The following ASH1L variants were observed in gnomAD, a reference collection of about 807,000 sequenced individuals.
The protein encoded by ASH1L is ASH1 like histone lysine methyltransferase.
Under a neutral mutation model 269.0 loss-of-function variants are expected in ASH1L, and 23 were observed. The ratio of observed to expected loss-of-function variants is 0.09; its 90% CI spans 0.06 to 0.12. ASH1L has a LOEUF of 0.12. Among genes scored for constraint, ASH1L ranks in the 10% least tolerant of loss-of-function variants. The pLI is 1.00. For synonymous variants in ASH1L, 1,187 were observed against 1,253.5 expected (o/e 0.95, Z 1.12); for missense variants, 2,912 against 3,567.8 (o/e 0.82, Z 4.68).
Position 155,343,078 on chromosome 1 carries a change from C to CT in ASH1L, c.8293+235dup. 2.4e-6 allele frequency: 1 copy of CT among 425,338 alleles called. No individual in the cohort carries two copies. Among genetic ancestry groups the CT allele is most frequent in the Non-Finnish European group, 4.2e-6 (1 of 237,796 alleles). The allele number at this position is 425,338 out of a possible 1,614,324, so 26.3% of individuals were successfully genotyped here. A position where few individuals can be genotyped will look rare whatever the true frequency, so the allele number is the denominator to read the frequency against. ...ACAGGTTGGAGTGCAGTGGTGCGATCTTGGCTCACTGCAACCTCTGCCTCC... is the reference window on the plus strand; with the variant it reads ...ACAGGTTGGAGTGCAGTGGTGCGATCTTTGGCTCACTGCAACCTCTGCCTCC... On this transcript the variant is annotated intron_variant, in intron 24 of 27. Transcript: ENST00000392403. The surrounding 1 kb of genome is among the most constrained non-coding windows in gnomAD (Gnocchi z 6.1).
At chr1:155,433,228 C>T (rs1266802731) in intron 5 of ASH1L, 25 of 1,549,724 alleles carry the variant, frequency 1.6e-5, no homozygotes, top group South Asian at 3.6e-5. Flanking sequence ...CCCCTCCAGG[C>T]GGTGGAGGTG....
rs779131330 is a variant in ASH1L at position 155,478,361 on chromosome 1, G to C, written c.4509C>G (p.Asp1503Glu). ...RSSEQPQVSM[D>E]TGSSRSVLES... The stretch of plus-strand genomic sequence containing the variant: ...CCAGGACAGATCGGGAAGAGCCAGT[G>C]TCCATAGAAACCTGGGGTTGTTCAG... The change falls in exon 3 of 28, where the codon GAC (aspartate) becomes GAG (glutamate). Residue 1503 changes from aspartate to glutamate, a missense_variant. This residue lies in a region of ASH1L where 789 missense variants were observed against 897.6 expected (regional missense o/e 0.88). Transcript: ENST00000392403. This position sits in a 1 kb window ranked among gnomAD's most constrained non-coding sequence, Gnocchi z 4.6. The C allele has an allele frequency of 3.1e-6, 5 of 1,614,000 alleles. No individual in the cohort carries two copies. The African/African-American group carries it at 4.0e-5, about 13-fold the overall frequency.
chr1:155,403,511 A>G (rs1659024302), intron 6 of ASH1L, among the ~76,000 whole-genome samples: 1 of 152,200 alleles, frequency 6.6e-6, no homozygotes, highest in Non-Finnish European at 1.5e-5. Context: ...TTCTTCAATA[A>G]TATTAATAAT....
At chr1:155,375,541 C>CT (rs1656356677) in intron 10 of ASH1L, among the ~76,000 whole-genome samples, 1 of 152,072 alleles carries the variant, frequency 6.6e-6, no homozygotes, top group South Asian at 2.1e-4. Flanking sequence ...AATCCCAGCA[C>CT]TTTGGGAGGC....
intron 7 of ASH1L, among the ~76,000 whole-genome samples, chr1:155,388,058 G>A (rs1354927241): frequency 6.6e-6 from 1 of 152,136 alleles, no homozygotes; most frequent in African/African-American, 2.4e-5. Flanking sequence ...CCCAGTGGGT[G>A]TTTGCTGGTG....
chr1:155,492,796 T>C lies in ASH1L; in HGVS notation c.421-10347A>G, dbSNP rs564629807. On this transcript the variant is annotated intron_variant, in intron 2 of 27. Coordinates refer to ENST00000392403, the MANE Select transcript of ASH1L (RefSeq NM_018489.3). The stretch of plus-strand genomic sequence containing the variant: ...AAATTCTCTATTTTATTTACAACAT[T>C]ACTGAGATTTAACTCACATGCCATA... Among the ~76,000 whole-genome samples the C allele has an allele frequency of 4.6e-5, 7 of 152,142 alleles. No individual in the cohort carries two copies. In the East Asian group the frequency reaches 1.3e-3, roughly 29 times the overall value.
At chr1:155,379,352 A>T (rs1656743000) in intron 8 of ASH1L, among the ~76,000 whole-genome samples, 1 of 152,318 alleles carries the variant, frequency 6.6e-6, no homozygotes, top group East Asian at 1.9e-4. Context: ...GCAGAGGGGA[A>T]TGTCAATTTT....
At chr1:155,427,653 G>A (rs901439005) in intron 5 of ASH1L, among the ~76,000 whole-genome samples, 4 of 152,018 alleles carry the variant, frequency 2.6e-5, no homozygotes, top group Non-Finnish European at 4.4e-5. Flanking sequence ...TGGCCAGGCT[G>A]GTCTTAAACT....
At chr1:155,528,849 CCCACCCT>C (rs1269236635) in intron 1 of ASH1L, among the ~76,000 whole-genome samples, 1 of 152,130 alleles carries the variant, frequency 6.6e-6, no homozygotes, top group Non-Finnish European at 1.5e-5. Flanking sequence ...TCTCCCTCTT[CCCACCCT>C]CCACCCTCCA....
At chr1:155,370,717 T>C (rs1571022971) in intron 11 of ASH1L, 60 bp downstream of exon 11, 3 of 1,611,872 alleles carry the variant, frequency 1.9e-6, no homozygotes, top group Non-Finnish European at 2.5e-6. Context: ...ACATCTTCCA[T>C]TCTCCATTCT....
intron 1 of ASH1L, among the ~76,000 whole-genome samples, chr1:155,551,782 A>G (rs1337424537): frequency 6.7e-6 from 1 of 150,170 alleles, no homozygotes; most frequent in Non-Finnish European, 1.5e-5. Context: ...AGCCTGGCCA[A>G]CATGGTGAAA....
intron 17 of ASH1L, among the ~76,000 whole-genome samples, chr1:155,351,020 G>A (rs181171008): frequency 2.1e-5 from 3 of 142,930 alleles, no homozygotes; most frequent in Non-Finnish European, 3.0e-5. Context: ...GGCAGATCAC[G>A]AGGTCAAGAG....
intron 1 of ASH1L, among the ~76,000 whole-genome samples, chr1:155,529,004 T>C (rs750433848): frequency 6.6e-6 from 1 of 152,086 alleles, no homozygotes; most frequent in Non-Finnish European, 1.5e-5. Context: ...CTCCACTCCA[T>C]CCATGATCCT....
chr1:155,503,028 T>C (rs1398833382), intron 2 of ASH1L, among the ~76,000 whole-genome samples: 3 of 152,176 alleles, frequency 2.0e-5, no homozygotes, highest in African/African-American at 7.2e-5. Flanking sequence ...CTTATAATTT[T>C]CAGCATCTGC....
At chr1:155,452,042 ATTTT>A (rs562050378) in intron 4 of ASH1L, among the ~76,000 whole-genome samples, 1 of 138,544 alleles carries the variant, frequency 7.2e-6, no homozygotes, top group Non-Finnish European at 1.6e-5. Flanking sequence ...TAAGATGGTA[ATTTT>A]TTTTTTTTTT....
rs887113492 is a variant in ASH1L at position 155,477,796 on chromosome 1, T to C, written c.4984+90A>G. 97 of 1,241,984 alleles carry C rather than the reference T, an allele frequency of 7.8e-5. 1 individual carries two copies. Among genetic ancestry groups the C allele is most frequent in the East Asian group, 4.9e-5 (2 of 41,054 alleles). The allele number at this position is 1,241,984 out of a possible 1,614,324, so 76.9% of individuals were successfully genotyped here. On this transcript the variant is annotated intron_variant, in intron 3 of 27. Transcript: ENST00000392403. ...TTATTAAAAAACAAAAAAAGATATATATATTAAAAGTTCATCTACATTTAT... is the reference window on the plus strand; with the variant it reads ...TTATTAAAAAACAAAAAAAGATATACATATTAAAAGTTCATCTACATTTAT...
Position 155,562,694 on chromosome 1 carries a change from C to G in ASH1L, c.-641G>C, listed in dbSNP as rs1037676905. ...CCGCGCGCCAGCCAGCCCGTACGCG[C>G]TCACCCACAGGAACCCCCTCGTCCA... is the stretch of plus-strand genomic sequence containing the variant. On this transcript the variant is annotated 5_prime_UTR_variant, in exon 1 of 28. Transcript: ENST00000392403. 8.0e-6 allele frequency: 12 copies of G among 1,508,878 alleles called. No homozygotes were observed. The African/African-American group carries it at 1.7e-4, about 21-fold the overall frequency. The allele number at this position is 1,508,878 out of a possible 1,614,324, so 93.5% of individuals were successfully genotyped here.
At chr1:155,446,491 G>T (rs1290167051) in intron 4 of ASH1L, among the ~76,000 whole-genome samples, 1 of 150,726 alleles carries the variant, frequency 6.6e-6, no homozygotes, top group Non-Finnish European at 1.5e-5. Context: ...CAGAGATGGG[G>T]TTTCACCATG....
chr1:155,479,342 T>C lies in ASH1L; in HGVS notation c.3528A>G (p.Glu1176=), dbSNP rs377042938. The change falls in exon 3 of 28, where the codon GAA becomes GAG. Residue 1176 remains glutamate (E), a synonymous_variant. Transcript: ENST00000392403. ...LLPNSPSHLS[E]LTSLKEATPS... The stretch of plus-strand genomic sequence containing the variant: ...GAGTAGCTTCTTTTAGAGATGTGAG[T>C]TCACTCAAGTGCGAAGGAGAATTTG... The C allele has an allele frequency of 1.9e-5, 31 of 1,613,972 alleles. No individual in the cohort carries two copies. The highest frequency in any genetic ancestry group is 2.5e-5 in the Non-Finnish European group (30 of 1,180,014).
Sources: gnomAD v4.1 joint callset for allele counts (sites outside exome capture counted in the v4.1 genomes callset) on GRCh38, gnomAD v4.1.1 for gene constraint, gnomAD v4.1.1 regional missense constraint, Gnocchi (gnomAD v3.1) non-coding constraint, MANE v1.5 for transcripts, NCBI Gene and HGNC (gene_info 2026-07-23, HGNC 2026-07-21) for gene names.